Variants in ZNF227 observed in about 807,000 individuals in gnomAD.
ZNF227 encodes the protein zinc finger protein 227.
A neutral mutation model predicts 13.2 loss-of-function variants in ZNF227; 12 were observed. That is an observed-to-expected ratio of 0.91 (90% CI 0.58 to 1.47). The LOEUF (loss-of-function observed/expected upper bound fraction) is 1.47, where lower values mean the gene tolerates loss of function less well. Among genes scored for constraint, ZNF227 ranks in the 40% most tolerant of loss-of-function variants. The pLI is 0.00. For missense variants in ZNF227, 885 were observed against 967.5 expected, an observed-to-expected ratio of 0.91 and a Z score of 1.13; for synonymous variants, 338 against 326.0, an observed-to-expected ratio of 1.04 and a Z score of -0.40.
At position 44,234,753 on chromosome 19, in the gene ZNF227, A is replaced by C; in HGVS notation, c.323A>C (p.Tyr108Ser). 6.2e-7 allele frequency: 1 copy of C among 1,605,246 alleles called. No homozygotes were observed. The highest frequency in any genetic ancestry group is 8.5e-7 in the Non-Finnish European group (1 of 1,177,906). ...ACACTCCAAAAATTTGCATTAAAAT[A>C]CCTTTCAAATCAAGAGCTGTCCTGC... is the stretch of plus-strand genomic sequence containing the variant. Reference protein sequence around the residue: ...METLQKFALKYLSNQELSCWQ... With the variant: ...METLQKFALKSLSNQELSCWQ... The change falls in exon 6 of 6, where the codon TAC becomes TCC. Residue 108 changes from tyrosine (Y) to serine (S), a missense_variant. Transcript: ENST00000313040.
At chr19:44,215,169 G>GTTTT (rs35264039) in intron 2 of ZNF227, among the ~76,000 whole-genome samples, 1 of 137,952 alleles carries the variant, frequency 7.2e-6, no homozygotes, top group Non-Finnish European at 1.6e-5. Flanking sequence ...CATCAGGTCA[G>GTTTT]TTTTTTTTTT....
intron 3 of ZNF227, chr19:44,228,102 A>G (rs1973366068): frequency 1.7e-5 from 3 of 174,086 alleles, no homozygotes; most frequent in Admixed American, 6.3e-5. Context: ...ATGGTAGTAG[A>G]CGCCTGTAAT....
chr19:44,236,474 C>T lies in ZNF227; in HGVS notation c.2044C>T (p.His682Tyr). The T allele has an allele frequency of 6.2e-7, 1 of 1,613,972 alleles. No individual in the cohort carries two copies. The highest frequency in any genetic ancestry group is 8.5e-7 in the Non-Finnish European group (1 of 1,180,006). Reference sequence around the variant, plus strand: ...GCAGTTTATATACCATCAGAGAGGCCACACTGGAGAAAAACCTTACAAATG... The same window carrying T: ...GCAGTTTATATACCATCAGAGAGGCTACACTGGAGAAAAACCTTACAAATG... ...SSQFIYHQRG[H>Y]TGEKPYKCEE... The change falls in exon 6 of 6, where the codon CAC becomes TAC. Residue 682 changes from histidine (H) to tyrosine (Y), a missense_variant. Coordinates refer to ENST00000313040, the MANE Select transcript of ZNF227 (RefSeq NM_182490.3).
At position 44,235,901 on chromosome 19, in the gene ZNF227, C is replaced by T. The variant is rs1442120126; in HGVS notation, c.1471C>T (p.Pro491Ser). Reference sequence around the variant, plus strand: ...TTTCAGAGTTCACACGGGAGAGAAACCCTATAAATGTAAGGAGTGTGGTAA... The same window carrying T: ...TTTCAGAGTTCACACGGGAGAGAAATCCTATAAATGTAAGGAGTGTGGTAA... Reference protein sequence around the residue: ...IHFRVHTGEKPYKCKECGKGF... With the variant: ...IHFRVHTGEKSYKCKECGKGF... Residue 491 changes from proline to serine, a missense_variant, in exon 6 of 6, where the codon CCC becomes TCC. Physicochemically the swap from Pro to Ser is moderately conservative, Grantham distance 74. Coordinates refer to ENST00000313040, the MANE Select transcript of ZNF227 (RefSeq NM_182490.3). The T allele has an allele frequency of 1.2e-6, 2 of 1,614,106 alleles. No individual in the cohort carries two copies.
Position 44,235,105 on chromosome 19 carries a change from C to T in ZNF227, c.675C>T (p.Pro225=), listed in dbSNP as rs1568615786. 1 of 1,614,094 alleles carries T rather than the reference C, an allele frequency of 6.2e-7. No individual in the cohort carries two copies. ...EHIKTDTEPK[P]CKGNEYGKII... is the part of the protein sequence containing the mutation. Reference sequence around the variant, plus strand: ...TTAAAACTGACACAGAACCAAAACCCTGCAAAGGTAATGAATATGGCAAAA... The same window carrying T: ...TTAAAACTGACACAGAACCAAAACCTTGCAAAGGTAATGAATATGGCAAAA... Residue 225 remains proline (P), a synonymous_variant, in exon 6 of 6, where the codon CCC becomes CCT. Coordinates refer to ENST00000313040, the MANE Select transcript of ZNF227 (RefSeq NM_182490.3).
upstream of ZNF227, among the ~76,000 whole-genome samples, chr19:44,212,274 A>G (rs1971411475): frequency 6.6e-6 from 1 of 152,014 alleles, no homozygotes; most frequent in Non-Finnish European, 1.5e-5. Flanking sequence ...GCTAAACAGC[A>G]ATAAGCCGTG....
intron 4 of ZNF227, 27 bp from the exon 5 acceptor site, chr19:44,229,706 A>G (rs755211157): frequency 4.1e-5 from 62 of 1,521,462 alleles, no homozygotes; most frequent in Non-Finnish European, 5.4e-5. Context: ...GTTCATCTTA[A>G]ATACATAAAA....
intron 5 of ZNF227, among the ~76,000 whole-genome samples, chr19:44,232,461 C>T (rs1277482385): frequency 6.6e-6 from 1 of 152,094 alleles, no homozygotes; most frequent in African/African-American, 2.4e-5. Flanking sequence ...TGACAGAACT[C>T]GGGAAGGTGC....
intron 5 of ZNF227, among the ~76,000 whole-genome samples, chr19:44,233,749 G>A (rs1974108547): frequency 6.6e-6 from 1 of 152,026 alleles, no homozygotes; most frequent in South Asian, 2.1e-4. Flanking sequence ...TACAAAAATT[G>A]GCTGAGTGTA....
intron 3 of ZNF227, among the ~76,000 whole-genome samples, chr19:44,222,238 C>T (rs1319433712): frequency 2.0e-5 from 3 of 152,040 alleles, no homozygotes; most frequent in Admixed American, 6.6e-5. Flanking sequence ...ATTGACTTGG[C>T]GATGTGGGCT....
At chr19:44,221,018 G>A (rs1212671859) in intron 3 of ZNF227, among the ~76,000 whole-genome samples, 1 of 151,018 alleles carries the variant, frequency 6.6e-6, no homozygotes, top group Non-Finnish European at 1.5e-5. Context: ...AGTATTCCAT[G>A]GTGTATATGT....
upstream of ZNF227, among the ~76,000 whole-genome samples, chr19:44,208,576 A>G (rs1206989846): frequency 2.0e-5 from 3 of 152,248 alleles, no homozygotes; most frequent in Non-Finnish European, 4.4e-5. Flanking sequence ...GAAAGGATTC[A>G]GAAGCACTAG....
At chr19:44,212,064 ATT>A (rs1274388341), upstream of ZNF227, among the ~76,000 whole-genome samples, 2 of 151,208 alleles carry the variant, frequency 1.3e-5, no homozygotes, top group African/African-American at 4.9e-5. Flanking sequence ...TAATTTTTAT[ATT>A]TTTAGTAGAG....
rs1224557058 is a variant in ZNF227, at chr19:44,220,509, G to A, written c.60+2657G>A. On this transcript the variant is annotated intron_variant, in intron 3 of 5. Coordinates refer to ENST00000313040, the MANE Select transcript of ZNF227 (RefSeq NM_182490.3). ...AAAAAAATGCCCAGATAAAGATACCGATCACAGTATCCACATCTATACAAT... is the reference window on the plus strand; with the variant it reads ...AAAAAAATGCCCAGATAAAGATACCAATCACAGTATCCACATCTATACAAT... Among the ~76,000 whole-genome samples the A allele has an allele frequency of 5.3e-5, 8 of 151,278 alleles. No individual in the cohort carries two copies. In the East Asian group the frequency reaches 5.8e-4, roughly 11 times the overall value.
chr19:44,231,803 A>G (rs1320489454), intron 5 of ZNF227, among the ~76,000 whole-genome samples: 4 of 152,192 alleles, frequency 2.6e-5, no homozygotes, highest in African/African-American at 9.7e-5. Context: ...AGTAATTTCT[A>G]AGACATTTTT....
intron 5 of ZNF227, among the ~76,000 whole-genome samples, chr19:44,231,207 C>T (rs566020596): frequency 1.6e-4 from 24 of 151,136 alleles, no homozygotes; most frequent in East Asian, 3.9e-4. Context: ...CTCTGCCTCC[C>T]GGGTTCAAGT....
At chr19:44,224,681 TC>T (rs1972910217) in intron 3 of ZNF227, among the ~76,000 whole-genome samples, 1 of 152,202 alleles carries the variant, frequency 6.6e-6, no homozygotes, top group African/African-American at 2.4e-5. Flanking sequence ...GAGATGGGTT[TC>T]CTGAATACAG....
intron 2 of ZNF227, among the ~76,000 whole-genome samples, chr19:44,214,411 T>G (rs2122659327): frequency 1.3e-5 from 2 of 151,972 alleles, no homozygotes; most frequent in South Asian, 4.2e-4. Flanking sequence ...GGAGATTCAC[T>G]CTTGTTGCCC....
At position 44,237,031 on chromosome 19, in the gene ZNF227, C is replaced by T; in HGVS notation, c.*201C>T. ...ACTCGTATTTAGGGGAGAAATAGGGCTGGTGGCTCTCTTGGTAAGATCTAG... is the reference window on the plus strand; with the variant it reads ...ACTCGTATTTAGGGGAGAAATAGGGTTGGTGGCTCTCTTGGTAAGATCTAG... On this transcript the variant is annotated 3_prime_UTR_variant, in exon 6 of 6. Transcript: ENST00000313040. 3.9e-6 allele frequency: 2 copies of T among 511,538 alleles called. No individual in the cohort carries two copies. The highest frequency in any genetic ancestry group is 3.5e-5 in the South Asian group (1 of 28,934). The allele number at this position is 511,538 out of a possible 1,614,324, so 31.7% of individuals were successfully genotyped here.
Sources: allele counts gnomAD v4.1 joint callset (sites outside exome capture counted in the v4.1 genomes callset), GRCh38; gene constraint gnomAD v4.1.1; transcripts MANE v1.5; gene names NCBI Gene and HGNC (gene_info 2026-07-23, HGNC 2026-07-21).